DYNC1H1: variants seen among roughly 807,000 people sequenced by gnomAD.
The protein encoded by DYNC1H1 is cytoplasmic dynein 1 heavy chain 1.
DYNC1H1 carries 51 observed loss-of-function variants against 527.1 expected under a neutral mutation model. That is an observed-to-expected ratio of 0.10 (90% CI 0.08 to 0.12). DYNC1H1 has a LOEUF of 0.12. Among genes scored for constraint, DYNC1H1 ranks in the 10% least tolerant of loss-of-function variants. DYNC1H1 has a pLI of 1.00. For missense variants in DYNC1H1, 2,771 were observed against 5,971.8 expected (o/e 0.46, Z 17.66); for synonymous variants, 2,189 against 2,278.8 (o/e 0.96, Z 1.12).
chr14:102,009,788 A>ATTTTTTTTTTTTTTT, intron 29 of DYNC1H1, 55 bp from the exon 30 acceptor site: 1 of 1,595,190 alleles, frequency 6.3e-7, no homozygotes, highest in Admixed American at 1.7e-5. Context: ...TTTAGAATGC[A>ATTTTTTTTTTTTTTT]TTTTGTTTTT....
chr14:101,999,814 G>A (rs915522298), intron 16 of DYNC1H1, among the ~76,000 whole-genome samples, 175 bp from the exon 17 acceptor site: 10 of 152,152 alleles, frequency 6.6e-5, no homozygotes, highest in Admixed American at 3.9e-4. Flanking sequence ...AATTAAATTC[G>A]CTACTGTACA....
rs2048141263 is a variant in DYNC1H1, at chr14:102,002,338, T to C, written c.4543-199T>C. Among the ~76,000 whole-genome samples, 1 of 152,128 alleles carries C rather than the reference T, an allele frequency of 6.6e-6. No homozygotes were observed. The highest frequency in any genetic ancestry group is 2.1e-4 in the South Asian group (1 of 4,824). ...GTTTGCCAGGCTGGTCTCAAACTTC[T>C]GACTTCAAGTGATCCACCCGCCTCG... On this transcript the variant is annotated intron_variant, in intron 21 of 77. Transcript: ENST00000360184. This position sits in a 1 kb window ranked among gnomAD's most constrained non-coding sequence, Gnocchi z 4.4.
At position 102,010,493 on chromosome 14, in the gene DYNC1H1, ATACGT is replaced by A. The variant is rs1178382030; in HGVS notation, c.6405+37_6405+41del. 1.2e-6 allele frequency: 2 copies of A among 1,610,406 alleles called. No individual in the cohort carries two copies. Among genetic ancestry groups the A allele is most frequent in the East Asian group, 4.5e-5 (2 of 44,578 alleles). ...CAAACGTTTTGATCACTCAAACCTT[ATACGT>A]TATTTAAATTTACCTTTTTAACATT... is the stretch of plus-strand genomic sequence containing the variant. On this transcript the variant is annotated intron_variant, in intron 31 of 77. Coordinates refer to ENST00000360184, the MANE Select transcript of DYNC1H1 (RefSeq NM_001376.5). The surrounding 1 kb of genome is among the most constrained non-coding windows in gnomAD (Gnocchi z 6.0).
rs371431746 is a variant in DYNC1H1, at chr14:101,986,594, G to A, written c.2369G>A (p.Arg790Gln). 12 of 1,613,322 alleles carry A rather than the reference G, an allele frequency of 7.4e-6. No individual in the cohort carries two copies. Among genetic ancestry groups the A allele is most frequent in the African/African-American group, 1.3e-5 (1 of 74,854 alleles). The stretch of plus-strand genomic sequence containing the variant: ...ATCGAGAGCGTTCGTACCTATGAAC[G>A]GACCTGCGAGAAGGTGGAGGAGCGG... The part of the protein sequence containing the change: ...SLIESVRTYE[R>Q]TCEKVEERNT... Residue 790 changes from arginine to glutamine, a missense_variant, in exon 8 of 78, where the codon CGG becomes CAG. Physicochemically the swap from Arg to Gln is conservative, Grantham distance 43. Coordinates refer to ENST00000360184, the MANE Select transcript of DYNC1H1 (RefSeq NM_001376.5). The surrounding 1 kb of genome is among the most constrained non-coding windows in gnomAD (Gnocchi z 8.7).
intron 1 of DYNC1H1, 107 bp from the exon 2 acceptor site, chr14:101,975,605 G>A (rs1191939170): frequency 1.5e-5 from 15 of 1,002,754 alleles, no homozygotes; most frequent in East Asian, 5.2e-5. Context: ...TGTAGGTGTC[G>A]ATATGTCAGG....
At chr14:101,974,043 C>G (rs754195431) in intron 1 of DYNC1H1, among the ~76,000 whole-genome samples, 1 of 152,200 alleles carries the variant, frequency 6.6e-6, no homozygotes, top group Non-Finnish European at 1.5e-5. Context: ...CTCAAGGTCA[C>G]ATATCTTCTA....
At chr14:101,966,695 G>T (rs2047671921) in intron 1 of DYNC1H1, among the ~76,000 whole-genome samples, 1 of 151,924 alleles carries the variant, frequency 6.6e-6, no homozygotes, top group Non-Finnish European at 1.5e-5. Flanking sequence ...TAGAATCAGT[G>T]ATTTTATTTT....
At chr14:102,045,982 C>T (rs1481198361) in intron 72 of DYNC1H1, among the ~76,000 whole-genome samples, 1 of 151,906 alleles carries the variant, frequency 6.6e-6, no homozygotes, top group Non-Finnish European at 1.5e-5. Flanking sequence ...CTGGCTAACA[C>T]GGTGAAACCC....
intron 16 of DYNC1H1, among the ~76,000 whole-genome samples, chr14:101,999,278 G>A (rs1056694544): frequency 2.0e-5 from 3 of 151,986 alleles, no homozygotes; most frequent in South Asian, 2.1e-4. Flanking sequence ...CTGGGATCAA[G>A]CGTTGTAGCT....
At position 101,997,417 on chromosome 14, in the gene DYNC1H1, A is replaced by G. The variant is rs1595606872; in HGVS notation, c.3804+143A>G. 1.4e-6 allele frequency: 2 copies of G among 1,433,720 alleles called. No homozygotes were observed. The highest frequency in any genetic ancestry group is 2.5e-5 in the South Asian group (2 of 80,654). 88.8% of individuals were successfully genotyped at this position (1,433,720 alleles called of 1,614,324 possible). A position where few individuals can be genotyped will look rare whatever the true frequency, so the allele number is the denominator to read the frequency against. ...TTCCTTTTTGTAGTTAAAAAAGCAG[A>G]TGGAGATAGCAAATGTGAAAATATG... On this transcript the variant is annotated intron_variant, in intron 16 of 77. Coordinates refer to ENST00000360184, the MANE Select transcript of DYNC1H1 (RefSeq NM_001376.5). The surrounding 1 kb of genome is among the most constrained non-coding windows in gnomAD (Gnocchi z 4.8).
At position 101,975,759 on chromosome 14, in the gene DYNC1H1, A is replaced by G; in HGVS notation, c.304A>G (p.Asn102Asp). Residue 102 changes from asparagine to aspartate, a missense_variant, in exon 2 of 78, where the codon AAC (asparagine) becomes GAC (aspartate). Around this residue, in one of 32 missense-constraint regions of DYNC1H1, gnomAD observed 146 missense variants for 288.1 expected, o/e 0.51. Coordinates refer to ENST00000360184, the MANE Select transcript of DYNC1H1 (RefSeq NM_001376.5). ...AGAAGAAAAAGAATTCATTTCCTAT[A>G]ACATCAACATAGACATTCATTATGG... is the stretch of plus-strand genomic sequence containing the variant. The part of the protein sequence containing the change: ...GEEEKEFISY[N>D]INIDIHYGVK... 5.0e-6 allele frequency: 8 copies of G among 1,613,764 alleles called. No individual in the cohort carries two copies. Among genetic ancestry groups the G allele is most frequent in the Non-Finnish European group, 6.8e-6 (8 of 1,179,714 alleles).
intron 76 of DYNC1H1, 67 bp from the exon 77 acceptor site, chr14:102,050,004 C>T (rs1423453032): frequency 2.5e-6 from 4 of 1,614,012 alleles, no homozygotes; most frequent in African/African-American, 2.7e-5. Flanking sequence ...CCTCTGGGCG[C>T]CCTGTGACTG....
Position 102,044,835 on chromosome 14 carries a change from GC to G in DYNC1H1, c.13006+138del. The G allele has an allele frequency of 2.0e-6, 2 of 1,024,356 alleles. No individual in the cohort carries two copies. Among genetic ancestry groups the G allele is most frequent in the Non-Finnish European group, 2.9e-6 (2 of 687,544 alleles). The allele number at this position is 1,024,356 out of a possible 1,614,324, so 63.5% of individuals were successfully genotyped here. A position where few individuals can be genotyped will look rare whatever the true frequency, so the allele number is the denominator to read the frequency against. On this transcript the variant is annotated intron_variant, in intron 72 of 77. Coordinates refer to ENST00000360184, the MANE Select transcript of DYNC1H1 (RefSeq NM_001376.5). The surrounding 1 kb of genome is among the most constrained non-coding windows in gnomAD (Gnocchi z 7.1). Reference sequence around the variant, plus strand: ...GCCCTCCCTGGTTATGCTGGGTGTGGCTCTGTCAGCCTCGGCCTTCCTGCCA... The same window carrying G: ...GCCCTCCCTGGTTATGCTGGGTGTGGTCTGTCAGCCTCGGCCTTCCTGCCA...
chr14:102,038,917 G>C lies in DYNC1H1; in HGVS notation c.11206+69G>C, dbSNP rs1045985291. 1 of 1,612,822 alleles carries C rather than the reference G, an allele frequency of 6.2e-7. No individual in the cohort carries two copies. Among genetic ancestry groups the C allele is most frequent in the Admixed American group, 1.7e-5 (1 of 59,900 alleles). Reference sequence around the variant, plus strand: ...AGGGGCTGAACTTTTAAGTGACTAGGATGTTCCACGTTTGTGGCAAACACT... The same window carrying C: ...AGGGGCTGAACTTTTAAGTGACTAGCATGTTCCACGTTTGTGGCAAACACT... On this transcript the variant is annotated intron_variant, in intron 59 of 77. Transcript: ENST00000360184. The surrounding 1 kb of genome is among the most constrained non-coding windows in gnomAD (Gnocchi z 7.2).
At chr14:102,026,851 T>G in intron 44 of DYNC1H1, 144 bp downstream of exon 44, 1 of 1,269,540 alleles carries the variant, frequency 7.9e-7, no homozygotes, top group Non-Finnish European at 1.1e-6. Flanking sequence ...TTCTCTTCTT[T>G]CTAAGTCCAG....
chr14:102,000,676 G>A, intron 18 of DYNC1H1: 1 of 493,666 alleles, frequency 2.0e-6, no homozygotes, highest in South Asian at 2.0e-5. Flanking sequence ...CCGGGTTCAA[G>A]CGATTCTCCT....
At position 102,043,146 on chromosome 14, in the gene DYNC1H1, G is replaced by A. The variant is rs1171042228; in HGVS notation, c.12513+398G>A. The A allele has an allele frequency of 9.0e-6, 3 of 333,654 alleles. No individual in the cohort carries two copies. In the East Asian group the frequency reaches 2.4e-4, roughly 26 times the overall value. The allele number at this position is 333,654 out of a possible 1,614,324, so 20.7% of individuals were successfully genotyped here. ...AAAATATAAAAAATTAGCCAGGCGT[G>A]GTGGCGTGCGCCTATAATCCCAGCT... On this transcript the variant is annotated intron_variant, in intron 69 of 77. Transcript: ENST00000360184.
chr14:102,045,862 ACTT>A (rs1245641597), intron 72 of DYNC1H1, among the ~76,000 whole-genome samples: 1 of 151,926 alleles, frequency 6.6e-6, no homozygotes, highest in African/African-American at 2.4e-5. Context: ...CCTCCCCAGA[ACTT>A]CTTAGAAATG....
chr14:102,035,450 A>G (rs1294276740), intron 56 of DYNC1H1: 1 of 152,300 alleles, frequency 6.6e-6, no homozygotes, highest in Admixed American at 6.5e-5. Context: ...CAGCAAGAGT[A>G]TGAATCAATC....
Sources: allele counts gnomAD v4.1 joint callset (sites outside exome capture counted in the v4.1 genomes callset), GRCh38; gene constraint gnomAD v4.1.1; regional missense constraint gnomAD v4.1.1; non-coding constraint Gnocchi (gnomAD v3.1); transcripts MANE v1.5; gene names NCBI Gene and HGNC (gene_info 2026-07-23, HGNC 2026-07-21).